TNXB: variants seen among roughly 807,000 people sequenced by gnomAD.
TNXB encodes tenascin XB, also known as tenascin-X.
In TNXB, 183 loss-of-function variants were observed where a neutral mutation model predicts 340.5. That is an observed-to-expected ratio of 0.54 (90% CI 0.48 to 0.61). The LOEUF is 0.61. TNXB is among the 20% of genes least tolerant of loss of function. The pLI is 0.00. For missense variants in TNXB, 4,613 were observed against 5,446.4 expected (o/e 0.85, Z 4.82); for synonymous variants, 2,121 against 2,314.5 (o/e 0.92, Z 2.40).
Position 32,079,144 on chromosome 6 carries a change from C to T in TNXB, c.4264G>A (p.Glu1422Lys). ...AGGCCTCCCACGGTGACCTCACTCTCCTTGCCCCCAACACGCACCGCCCGG... is the reference window on the plus strand; with the variant it reads ...AGGCCTCCCACGGTGACCTCACTCTTCTTGCCCCCAACACGCACCGCCCGG... Reference protein sequence around the residue: ...RPRAVRVGGKESEVTVGGLEP... With the variant: ...RPRAVRVGGKKSEVTVGGLEP... The change falls in exon 11 of 44, where the codon GAG becomes AAG. Residue 1422 changes from glutamate to lysine, a missense_variant. Glu to Lys is a moderately conservative substitution (Grantham distance 56). Coordinates refer to ENST00000644971, the MANE Select transcript of TNXB (RefSeq NM_001365276.2). This position sits in a 1 kb window ranked among gnomAD's most constrained non-coding sequence, Gnocchi z 7.1. The T allele has an allele frequency of 6.2e-7, 1 of 1,613,886 alleles. No homozygotes were observed. The highest frequency in any genetic ancestry group is 8.5e-7 in the Non-Finnish European group (1 of 1,179,890).
Position 32,053,400 on chromosome 6 carries a change from T to A in TNXB, c.8779A>T (p.Ile2927Phe). ...ATCGTACACTCACCTGTCACCCCAA[T>A]GACAGAGATGGGGCCCACGCGCTGG... ...GGQRVGPISV[I>F]GVTAAEEETP... The change falls in exon 25 of 44, where the codon ATT becomes TTT. Residue 2927 changes from isoleucine (I) to phenylalanine (F), a missense_variant. By Grantham distance (21) the Ile-to-Phe change is conservative (BLOSUM62 0). Coordinates refer to ENST00000644971, the MANE Select transcript of TNXB (RefSeq NM_001365276.2). 1.2e-6 allele frequency: 2 copies of A among 1,612,392 alleles called. No homozygotes were observed. Among genetic ancestry groups the A allele is most frequent in the Non-Finnish European group, 1.7e-6 (2 of 1,179,700 alleles).
intron 24 of TNXB, among the ~76,000 whole-genome samples, 155 bp from the exon 25 acceptor site, chr6:32,053,866 C>T (rs1777462493): frequency 1.3e-5 from 2 of 151,646 alleles, no homozygotes; most frequent in Admixed American, 1.3e-4. Context: ...GCGGCCTTTC[C>T]TATCCCTCAC....
At position 32,073,771 on chromosome 6, in the gene TNXB, C is replaced by T. The variant is rs747837767; in HGVS notation, c.4557G>A (p.Pro1519=). Residue 1519 remains proline (P), a synonymous_variant, in exon 12 of 44, where the codon CCG becomes CCA. Transcript: ENST00000644971. The surrounding 1 kb of genome is among the most constrained non-coding windows in gnomAD (Gnocchi z 4.6). ...TGACCTCTCGCTGGTCTGCCGCCAC[C>T]GGCACCACCTGGGGCTGCCCGTCCT... ...KDKDGQPQVV[P]VAADQREVTV... The T allele has an allele frequency of 2.0e-5, 33 of 1,612,442 alleles. No individual in the cohort carries two copies. Among genetic ancestry groups the T allele is most frequent in the East Asian group, 8.9e-5 (4 of 44,874 alleles).
rs1365261130 is a variant in TNXB at position 32,070,338 on chromosome 6, T to C, written c.5067A>G (p.Ser1689=). Residue 1689 remains serine, a synonymous_variant, in exon 14 of 44, where the codon TCA becomes TCG. Transcript: ENST00000644971. The surrounding 1 kb of genome is among the most constrained non-coding windows in gnomAD (Gnocchi z 6.0). ...CAGGAACCGTCCAGGAGAGGCGCAG[T>C]GAGTCTGGGGTGGGGTCTGTCACCC... ...ELWVTDPTPD[S]LRLSWTVPEG... 6.2e-7 allele frequency: 1 copy of C among 1,610,490 alleles called. No homozygotes were observed. Among genetic ancestry groups the C allele is most frequent in the Non-Finnish European group, 8.5e-7 (1 of 1,178,808 alleles).
Position 32,052,650 on chromosome 6 carries a change from CCTCACTCACACT to C in TNXB, c.9115+8_9115+19del. The C allele has an allele frequency of 1.2e-6, 2 of 1,606,176 alleles. No individual in the cohort carries two copies. The highest frequency in any genetic ancestry group is 1.7e-6 in the Non-Finnish European group (2 of 1,173,864). ...TTCCAGGGCCATCTTCCCCACCTCG[CCTCACTCACACT>C]TACTCACCTGTCACACCCACAGCGG... On this transcript the variant is annotated splice_region_variant and intron_variant, in intron 26 of 43. Coordinates refer to ENST00000644971, the MANE Select transcript of TNXB (RefSeq NM_001365276.2). This position sits in a 1 kb window ranked among gnomAD's most constrained non-coding sequence, Gnocchi z 4.7.
Position 32,073,560 on chromosome 6 carries a change from G to C in TNXB, c.4681+87C>G. ...TCTAGCCCCTCAGTGAGGGTGCGGTGGTACCAAGGCAGGGCTGGAAGAAGG... is the reference window on the plus strand; with the variant it reads ...TCTAGCCCCTCAGTGAGGGTGCGGTCGTACCAAGGCAGGGCTGGAAGAAGG... On this transcript the variant is annotated intron_variant, in intron 12 of 43. Coordinates refer to ENST00000644971, the MANE Select transcript of TNXB (RefSeq NM_001365276.2). This position sits in a 1 kb window ranked among gnomAD's most constrained non-coding sequence, Gnocchi z 4.6. The C allele has an allele frequency of 7.9e-7, 1 of 1,258,876 alleles. No individual in the cohort carries two copies. Among genetic ancestry groups the C allele is most frequent in the South Asian group, 1.4e-5 (1 of 70,220 alleles). 78.0% of individuals were successfully genotyped at this position (1,258,876 alleles called of 1,614,324 possible). A position where few individuals can be genotyped will look rare whatever the true frequency, so the allele number is the denominator to read the frequency against.
intron 43 of TNXB, 133 bp from the exon 44 acceptor site, chr6:32,041,583 G>A: frequency 9.4e-7 from 1 of 1,062,340 alleles, no homozygotes; most frequent in Non-Finnish European, 1.4e-6. Context: ...CCGCTGCAGA[G>A]GATTGAGGCT....
At chr6:32,063,280 C>T (rs1049578714) in intron 19 of TNXB, among the ~76,000 whole-genome samples, 11 of 151,876 alleles carry the variant, frequency 7.2e-5, no homozygotes, top group African/African-American at 1.5e-4. Context: ...CCCAGCTACT[C>T]GGAAGGCTGA....
In TNXB at chr6:32,049,178, G is replaced by A. The variant is rs1777090499; in HGVS notation, c.9757+92C>T. 1 of 1,449,398 alleles carries A rather than the reference G, an allele frequency of 6.9e-7. No individual in the cohort carries two copies. Among genetic ancestry groups the A allele is most frequent in the Non-Finnish European group, 9.1e-7 (1 of 1,093,710 alleles). 89.8% of individuals were successfully genotyped at this position (1,449,398 alleles called of 1,614,324 possible). A position where few individuals can be genotyped will look rare whatever the true frequency, so the allele number is the denominator to read the frequency against. ...ATGGGAGAAAAGACAGAAACCTAGAGGCCCAGTCAAAAGAGGTGCCAAGAT... is the reference window on the plus strand; with the variant it reads ...ATGGGAGAAAAGACAGAAACCTAGAAGCCCAGTCAAAAGAGGTGCCAAGAT... On this transcript the variant is annotated intron_variant, in intron 28 of 43. Transcript: ENST00000644971. This position sits in a 1 kb window ranked among gnomAD's most constrained non-coding sequence, Gnocchi z 4.5.
chr6:32,070,764 C>T lies in TNXB; in HGVS notation c.4991-350G>A, dbSNP rs139531139. On this transcript the variant is annotated intron_variant, in intron 13 of 43. Coordinates refer to ENST00000644971, the MANE Select transcript of TNXB (RefSeq NM_001365276.2). The surrounding 1 kb of genome is among the most constrained non-coding windows in gnomAD (Gnocchi z 6.0). ...CTATCTCCTCTTACCCAGGAGCACACGATTTGGCCGTGATTTGGCCGGCCC... is the reference window on the plus strand; with the variant it reads ...CTATCTCCTCTTACCCAGGAGCACATGATTTGGCCGTGATTTGGCCGGCCC... Among the ~76,000 whole-genome samples, 279 of 152,300 alleles carry T rather than the reference C, an allele frequency of 1.8e-3. No individual in the cohort carries two copies. The highest frequency in any genetic ancestry group is 5.4e-3 in the South Asian group (26 of 4,818).
At position 32,052,324 on chromosome 6, in the gene TNXB, G is replaced by A. The variant is rs1452089183; in HGVS notation, c.9115+346C>T. Among the ~76,000 whole-genome samples the A allele has an allele frequency of 1.3e-5, 2 of 152,052 alleles. No homozygotes were observed. The highest frequency in any genetic ancestry group is 4.8e-5 in the African/African-American group (2 of 41,388). On this transcript the variant is annotated intron_variant, in intron 26 of 43. Coordinates refer to ENST00000644971, the MANE Select transcript of TNXB (RefSeq NM_001365276.2). This position sits in a 1 kb window ranked among gnomAD's most constrained non-coding sequence, Gnocchi z 4.7. ...AAATTAGCTGGGCGTGGTGGCGCAC[G>A]CCTGTAGTCCCAGTTACTCAGGAGG...
Position 32,081,482 on chromosome 6 carries a change from C to A in TNXB, c.3928G>T (p.Asp1310Tyr). The change falls in exon 10 of 44, where the codon GAT becomes TAT. Residue 1310 changes from aspartate (D) to tyrosine (Y), a missense_variant. Coordinates refer to ENST00000644971, the MANE Select transcript of TNXB (RefSeq NM_001365276.2). This position sits in a 1 kb window ranked among gnomAD's most constrained non-coding sequence, Gnocchi z 5.1. ...CCGGGGACAGTAACCTCATTCTCAT[C>A]CCCCGCAACAGGCACTGCCTGGGGC... Reference protein sequence around the residue: ...GQPQAVPVAGDENEVTVPGLD... With the variant: ...GQPQAVPVAGYENEVTVPGLD... 6.2e-7 allele frequency: 1 copy of A among 1,604,096 alleles called. No individual in the cohort carries two copies. Among genetic ancestry groups the A allele is most frequent in the Non-Finnish European group, 8.5e-7 (1 of 1,175,414 alleles).
Position 32,073,525 on chromosome 6 carries a change from C to T in TNXB, c.4681+122G>A. ...GACTGGCAGGGTCACCGAGCCAGGG[C>T]CTGAGGGGATCTAGCCCCTCAGTGA... On this transcript the variant is annotated intron_variant, in intron 12 of 43. Transcript: ENST00000644971. This position sits in a 1 kb window ranked among gnomAD's most constrained non-coding sequence, Gnocchi z 4.6. The T allele has an allele frequency of 1.2e-6, 1 of 841,146 alleles. No individual in the cohort carries two copies. Among genetic ancestry groups the T allele is most frequent in the Non-Finnish European group, 1.8e-6 (1 of 547,562 alleles). The allele number at this position is 841,146 out of a possible 1,614,324, so 52.1% of individuals were successfully genotyped here. A position where few individuals can be genotyped will look rare whatever the true frequency, so the allele number is the denominator to read the frequency against.
chr6:32,101,809 A>C (rs1208382171), intron 1 of TNXB, among the ~76,000 whole-genome samples: 1 of 150,440 alleles, frequency 6.6e-6, no homozygotes, highest in African/African-American at 2.4e-5. Context: ...CTGCAGCCTC[A>C]AACTCCTGGG....
intron 4 of TNXB, among the ~76,000 whole-genome samples, chr6:32,094,183 G>A (rs1408229660): frequency 6.6e-6 from 1 of 151,032 alleles, no homozygotes. Context: ...TGACAAGGAG[G>A]TGGGAGATGA....
chr6:32,066,915 C>CA (rs1463984859), intron 18 of TNXB, among the ~76,000 whole-genome samples: 1 of 151,776 alleles, frequency 6.6e-6, no homozygotes, highest in Non-Finnish European at 1.5e-5. Flanking sequence ...ACAAAAAATA[C>CA]AAAAAATTAG....
Position 32,087,414 on chromosome 6 carries a change from C to T in TNXB, c.2780-1296G>A, listed in dbSNP as rs1435281813. On this transcript the variant is annotated intron_variant, in intron 6 of 43. Coordinates refer to ENST00000644971, the MANE Select transcript of TNXB (RefSeq NM_001365276.2). The surrounding 1 kb of genome is among the most constrained non-coding windows in gnomAD (Gnocchi z 9.0). ...CGGGGCCCTCTGCAGGCGGCTGAGG[C>T]CGCCAGCGCAGCACCACGCGCTCGA... 4.2e-6 allele frequency: 2 copies of T among 473,000 alleles called. No individual in the cohort carries two copies. The highest frequency in any genetic ancestry group is 8.4e-6 in the Non-Finnish European group (2 of 237,630). The allele number at this position is 473,000 out of a possible 1,614,324, so 29.3% of individuals were successfully genotyped here.
chr6:32,056,045 A>G lies in TNXB; in HGVS notation c.8273T>C (p.Ile2758Thr), dbSNP rs780826246. 37 of 1,612,614 alleles carry G rather than the reference A, an allele frequency of 2.3e-5. No homozygotes were observed. The highest frequency in any genetic ancestry group is 3.3e-4 in the Middle Eastern group (2 of 6,054). ...GAAGGAGTCGAAGTGGCCCTGGGGG[A>G]TGGTCCAGGAGAGGCTCAGCGAGTC... is the stretch of plus-strand genomic sequence containing the variant. ...SPDSLSLSWT[I>T]PQGHFDSFTV... Residue 2758 changes from isoleucine (I) to threonine (T), a missense_variant, in exon 24 of 44, where the codon ATC (isoleucine) becomes ACC (threonine). Ile to Thr is a moderately conservative substitution (Grantham distance 89). Transcript: ENST00000644971.
rs1368171874 is a variant in TNXB, at chr6:32,081,197, G to C, written c.4042+171C>G. Among the ~76,000 whole-genome samples the C allele has an allele frequency of 6.6e-6, 1 of 152,156 alleles. No individual in the cohort carries two copies. The highest frequency in any genetic ancestry group is 6.5e-5 in the Admixed American group (1 of 15,276). ...AGATGAGGAGGTGGAGGCTGGATGAGGGGGACCTGGCATGCAGAGGACAGG... is the reference window on the plus strand; with the variant it reads ...AGATGAGGAGGTGGAGGCTGGATGACGGGGACCTGGCATGCAGAGGACAGG... On this transcript the variant is annotated intron_variant, in intron 10 of 43. Coordinates refer to ENST00000644971, the MANE Select transcript of TNXB (RefSeq NM_001365276.2). This position sits in a 1 kb window ranked among gnomAD's most constrained non-coding sequence, Gnocchi z 5.1.
Sources: gnomAD v4.1 joint callset for allele counts (sites outside exome capture counted in the v4.1 genomes callset) on GRCh38, gnomAD v4.1.1 for gene constraint, Gnocchi (gnomAD v3.1) non-coding constraint, MANE v1.5 for transcripts, NCBI Gene and HGNC (gene_info 2026-07-23, HGNC 2026-07-21) for gene names.